ATP5PO: variants seen among roughly 807,000 people sequenced by gnomAD.
ATP5PO encodes ATP synthase peripheral stalk subunit OSCP, mitochondrial.
Under a neutral mutation model 26.2 loss-of-function variants are expected in ATP5PO, and 14 were observed. The observed-to-expected ratio is 0.53, with a 90% CI of 0.35 to 0.83. ATP5PO has a LOEUF of 0.83. Ranked by LOEUF, ATP5PO falls within the 40% of genes least tolerant of loss-of-function variation. ATP5PO has a pLI of 0.01. For missense variants in ATP5PO, 241 were observed against 258.5 expected, an observed-to-expected ratio of 0.93 and a Z score of 0.46; for synonymous variants, 106 against 95.1, an observed-to-expected ratio of 1.12 and a Z score of -0.67.
At position 33,914,434 on chromosome 21, in the gene ATP5PO, A is replaced by C; in HGVS notation, c.87+16T>G. 6.2e-7 allele frequency: 1 copy of C among 1,609,806 alleles called. No individual in the cohort carries two copies. The highest frequency in any genetic ancestry group is 1.1e-5 in the South Asian group (1 of 90,706). On this transcript the variant is annotated intron_variant, in intron 2 of 6. Coordinates refer to ENST00000290299, the MANE Select transcript of ATP5PO (RefSeq NM_001697.3). ...TCGCGTACTTTATCATTACAGAAGAATATAAATTAACATACCCTCACAAGC... is the reference window on the plus strand; with the variant it reads ...TCGCGTACTTTATCATTACAGAAGACTATAAATTAACATACCCTCACAAGC...
At position 33,907,477 on chromosome 21, in the gene ATP5PO, T is replaced by G. The variant is rs770589231; in HGVS notation, c.329-24A>C. 2.5e-6 allele frequency: 4 copies of G among 1,589,772 alleles called. No individual in the cohort carries two copies. The South Asian group carries it at 4.4e-5, about 18-fold the overall frequency. The stretch of plus-strand genomic sequence containing the variant: ...ATCTGCCAGAGTGAAGGTGTCTCAG[T>G]AACAAGAAACTCACCTGAACAAGTT... On this transcript the variant is annotated intron_variant, in intron 4 of 6. Transcript: ENST00000290299.
chr21:33,907,383 A>G lies in ATP5PO; in HGVS notation c.399T>C (p.Ser133=), dbSNP rs531389562. ...GVVSAFSTMM[S]VHRGEVPCTV... is the part of the protein sequence containing the mutation. The stretch of plus-strand genomic sequence containing the variant: ...TGCAAGGTACCTCTCCGCGATGGAC[A>G]CTCATCATGGTAGAAAAGGCAGAAA... Residue 133 remains serine, a synonymous_variant, in exon 5 of 7, where the codon AGT becomes AGC. Coordinates refer to ENST00000290299, the MANE Select transcript of ATP5PO (RefSeq NM_001697.3). The G allele has an allele frequency of 3.5e-5, 56 of 1,614,062 alleles. No individual in the cohort carries two copies. The South Asian group carries it at 6.0e-4, about 17-fold the overall frequency.
intron 3 of ATP5PO, 115 bp from the exon 4 acceptor site, chr21:33,909,326 G>A (rs1987218260): frequency 8.2e-7 from 1 of 1,216,570 alleles, no homozygotes; most frequent in Non-Finnish European, 1.1e-6. Context: ...CGTCGCTCAG[G>A]CTGGAGTGCA....
intron 2 of ATP5PO, among the ~76,000 whole-genome samples, chr21:33,913,543 G>C (rs1334264583): frequency 6.6e-6 from 1 of 152,138 alleles, no homozygotes; most frequent in African/African-American, 2.4e-5. Flanking sequence ...GTTGTTTCCA[G>C]CTGTTAGCCA....
chr21:33,906,821 A>C (rs1488902931), intron 5 of ATP5PO: 1 of 452,372 alleles, frequency 2.2e-6, no homozygotes, highest in Non-Finnish European at 4.5e-6. Context: ...AACCTCCATC[A>C]CTATAAAAAA....
At position 33,903,476 on chromosome 21, in the gene ATP5PO, T is replaced by C. The variant is rs748894156; in HGVS notation, c.*50A>G. On this transcript the variant is annotated 3_prime_UTR_variant, in exon 7 of 7. Coordinates refer to ENST00000290299, the MANE Select transcript of ATP5PO (RefSeq NM_001697.3). ...TATGATCTGTTCTGGAAGCTTTTTA[T>C]TGTTGCTCCAAGTTTAAGAATTTTC... is the stretch of plus-strand genomic sequence containing the variant. The C allele has an allele frequency of 4.0e-6, 6 of 1,504,874 alleles. No individual in the cohort carries two copies. The East Asian group carries it at 1.1e-4, about 28-fold the overall frequency. 93.2% of individuals were successfully genotyped at this position (1,504,874 alleles called of 1,614,324 possible). A position where few individuals can be genotyped will look rare whatever the true frequency, so the allele number is the denominator to read the frequency against.
At chr21:33,907,891 C>T (rs1008929572) in intron 4 of ATP5PO, among the ~76,000 whole-genome samples, 3 of 152,192 alleles carry the variant, frequency 2.0e-5, no homozygotes, top group African/African-American at 7.2e-5. Flanking sequence ...GTGGCTCATG[C>T]CTGTAATCCC....
intron 4 of ATP5PO, among the ~76,000 whole-genome samples, chr21:33,908,539 C>G (rs1301134760): frequency 6.6e-6 from 1 of 152,144 alleles, no homozygotes; most frequent in Non-Finnish European, 1.5e-5. Context: ...GAAACCCCAT[C>G]TCTACAAAAA....
chr21:33,908,899 G>T, intron 4 of ATP5PO, 183 bp downstream of exon 4: 1 of 603,872 alleles, frequency 1.7e-6, no homozygotes, highest in Non-Finnish European at 2.7e-6. Flanking sequence ...ACACTTCAAT[G>T]TGCAAACGAT....
At chr21:33,911,357 T>C (rs991929343) in intron 3 of ATP5PO, among the ~76,000 whole-genome samples, 3 of 152,206 alleles carry the variant, frequency 2.0e-5, no homozygotes, top group African/African-American at 7.2e-5. Context: ...GGGAAGCCCA[T>C]GCCCCTTTAC....
chr21:33,906,195 G>T (rs12386273), intron 5 of ATP5PO, among the ~76,000 whole-genome samples: 1 of 152,168 alleles, frequency 6.6e-6, no homozygotes, highest in East Asian at 1.9e-4. Context: ...GTGCTAACTA[G>T]AAGGTTAGAC....
intron 3 of ATP5PO, among the ~76,000 whole-genome samples, chr21:33,910,732 C>T (rs548712975): frequency 1.3e-5 from 2 of 152,288 alleles, no homozygotes; most frequent in East Asian, 3.9e-4. Flanking sequence ...GGGCTGGGCT[C>T]CTGGGCTCTG....
chr21:33,906,685 A>G, intron 5 of ATP5PO: 1 of 456,298 alleles, frequency 2.2e-6, no homozygotes, highest in East Asian at 7.0e-5. Flanking sequence ...CAAAGATGAA[A>G]GGTTAGTAAC....
chr21:33,909,357 A>G (rs185262686), intron 3 of ATP5PO, 146 bp from the exon 4 acceptor site: 5 of 796,932 alleles, frequency 6.3e-6, no homozygotes, highest in African/African-American at 5.2e-5. Flanking sequence ...CTTGGCTCAC[A>G]CAACCTCCAC....
chr21:33,912,118 T>G (rs1987257076), intron 3 of ATP5PO, among the ~76,000 whole-genome samples, 171 bp downstream of exon 3: 1 of 152,222 alleles, frequency 6.6e-6, no homozygotes, highest in Admixed American at 6.5e-5. Flanking sequence ...TTTGTTCTTT[T>G]TATATGTCTT....
chr21:33,903,780 C>A, intron 6 of ATP5PO, 141 bp from the exon 7 acceptor site: 1 of 1,082,458 alleles, frequency 9.2e-7, no homozygotes, highest in Non-Finnish European at 1.3e-6. Flanking sequence ...TAAAACTGCA[C>A]AGTCAGATAA....
intron 5 of ATP5PO, 32 bp from the exon 6 acceptor site, chr21:33,904,053 T>G (rs1987137526): frequency 6.4e-7 from 1 of 1,567,968 alleles, no homozygotes; most frequent in South Asian, 1.1e-5. Context: ...TCAATTTAGA[T>G]AAAGCAAAAC....
At chr21:33,911,662 GTTTT>G (rs58774588) in intron 3 of ATP5PO, among the ~76,000 whole-genome samples, 3 of 92,078 alleles carry the variant, frequency 3.3e-5, no homozygotes, top group Admixed American at 1.6e-4. Context: ...ATAAGCATAG[GTTTT>G]TTTTTTTTTT....
Position 33,908,190 on chromosome 21 carries a change from AG to A in ATP5PO, c.329-738del, listed in dbSNP as rs561356593. Among the ~76,000 whole-genome samples the A allele has an allele frequency of 3.0e-3, 436 of 147,584 alleles. 4 individuals carry two copies. The highest frequency in any genetic ancestry group is 0.01 in the African/African-American group (407 of 40,018). ...GGCTCAAAAAAAAAAAAAAAAAAAA[AG>A]AATGGAGAAGATACAACTTGTTATT... On this transcript the variant is annotated intron_variant, in intron 4 of 6. Coordinates refer to ENST00000290299, the MANE Select transcript of ATP5PO (RefSeq NM_001697.3).
Sources: gnomAD v4.1 joint callset for allele counts (sites outside exome capture counted in the v4.1 genomes callset) on GRCh38, gnomAD v4.1.1 for gene constraint, MANE v1.5 for transcripts, NCBI Gene and HGNC (gene_info 2026-07-23, HGNC 2026-07-21) for gene names.